The following TESK2 variants were observed in gnomAD, a reference collection of about 807,000 sequenced individuals.
The protein encoded by TESK2 is testis associated actin remodelling kinase 2.
A neutral mutation model predicts 57.1 loss-of-function variants in TESK2; 39 were observed. That is an observed-to-expected ratio of 0.68 (90% CI 0.53 to 0.89). TESK2 has a LOEUF of 0.89. Ranked by LOEUF, TESK2 falls within the 40% of genes least tolerant of loss-of-function variation. TESK2 has a pLI of 0.00. For synonymous variants in TESK2, 249 were observed against 267.9 expected (o/e 0.93, Z 0.69); for missense variants, 646 against 732.1 (o/e 0.88, Z 1.36).
Position 45,347,663 on chromosome 1 carries a change from A to T in TESK2, c.654T>A (p.Gly218=). 9 of 1,614,184 alleles carry T rather than the reference A, an allele frequency of 5.6e-6. No individual in the cohort carries two copies. Among genetic ancestry groups the T allele is most frequent in the Non-Finnish European group, 7.6e-6 (9 of 1,180,042 alleles). ...SMGSEKLAVV[G]SPFWMAPEVL... ...CCTCAGGTGCCATCCAGAATGGGGA[A>T]CCCACCACGGCCAGCTTCTCACTCC... Residue 218 remains glycine, a synonymous_variant, in exon 7 of 11, where the codon GGT becomes GGA. Transcript: ENST00000372086.
chr1:45,465,354 T>A (rs1009042745), intron 1 of TESK2, among the ~76,000 whole-genome samples: 2 of 150,348 alleles, frequency 1.3e-5, no homozygotes, highest in African/African-American at 4.9e-5. Context: ...GAGGTTGAAG[T>A]GAGCTGAGAT....
chr1:45,384,389 G>GTCTA (rs71052870), intron 4 of TESK2, among the ~76,000 whole-genome samples: 16,309 of 144,224 alleles, frequency 0.11, 1,050 homozygotes, highest in Admixed American at 0.16. Flanking sequence ...CTATCTATCT[G>GTCTA]TCTATCTATC....
At position 45,345,424 on chromosome 1, in the gene TESK2, G is replaced by A. The variant is rs201715014; in HGVS notation, c.1132C>T (p.Arg378Cys). Residue 378 changes from arginine (R) to cysteine (C), a missense_variant, in exon 11 of 11, where the codon CGT becomes TGT. Coordinates refer to ENST00000372086, the MANE Select transcript of TESK2 (RefSeq NM_007170.3). ...QSDIFSRKPP[R>C]TVSVLDPYYR... ...TATGGGTCCAAGACACTCACTGTACGTGGGGGCTTACGGGAAAAGATATCT... is the reference window on the plus strand; with the variant it reads ...TATGGGTCCAAGACACTCACTGTACATGGGGGCTTACGGGAAAAGATATCT... 90 of 1,614,038 alleles carry A rather than the reference G, an allele frequency of 5.6e-5. No homozygotes were observed. Among genetic ancestry groups the A allele is most frequent in the Admixed American group, 4.3e-4 (26 of 60,000 alleles).
chr1:45,434,828 CAGA>C (rs1396568514), intron 2 of TESK2, among the ~76,000 whole-genome samples: 1 of 152,016 alleles, frequency 6.6e-6, no homozygotes, highest in African/African-American at 2.4e-5. Context: ...CTTTGCTGTG[CAGA>C]AGATTTTTAG....
chr1:45,446,844 T>C (rs1049274890), intron 2 of TESK2, among the ~76,000 whole-genome samples: 3 of 152,184 alleles, frequency 2.0e-5, no homozygotes, highest in African/African-American at 7.2e-5. Flanking sequence ...CATTTATCAG[T>C]AAACAACAGC....
At chr1:45,398,992 A>AC (rs758184345) in intron 3 of TESK2, 2 of 433,294 alleles carry the variant, frequency 4.6e-6, no homozygotes, top group South Asian at 1.7e-5. Context: ...TGAAAAAAAA[A>AC]AAAAAAAAAA....
At chr1:45,420,918 C>T (rs1650448953) in intron 3 of TESK2, among the ~76,000 whole-genome samples, 2 of 152,046 alleles carry the variant, frequency 1.3e-5, no homozygotes, top group Admixed American at 6.6e-5. Context: ...ATATACTTGC[C>T]TGACTAAAAT....
At chr1:45,407,342 G>A (rs138375513) in intron 3 of TESK2, among the ~76,000 whole-genome samples, 2 of 152,170 alleles carry the variant, frequency 1.3e-5, no homozygotes, top group East Asian at 3.9e-4. Context: ...TTATAGGTGT[G>A]AGCCACCGTG....
intron 4 of TESK2, among the ~76,000 whole-genome samples, chr1:45,369,216 T>C (rs1346213754): frequency 6.6e-6 from 1 of 151,718 alleles, no homozygotes; most frequent in Non-Finnish European, 1.5e-5. Context: ...AATGAAAGAA[T>C]GGGGCTGAGT....
chr1:45,345,204 A>G lies in TESK2; in HGVS notation c.1352T>C (p.Ile451Thr). The G allele has an allele frequency of 1.9e-6, 3 of 1,614,208 alleles. No individual in the cohort carries two copies. Among genetic ancestry groups the G allele is most frequent in the Middle Eastern group, 3.3e-4 (2 of 6,062 alleles). Residue 451 changes from isoleucine to threonine, a missense_variant, in exon 11 of 11, where the codon ATT becomes ACT. Physicochemically the swap from Ile to Thr is moderately conservative, Grantham distance 89 (BLOSUM62 -1). Transcript: ENST00000372086. ...ADWQEPLAPP[I>T]RRWRSLPGSP... ...ACCAGGCAAGGAACGCCACCGGCGA[A>G]TAGGTGGGGCCAGGGGCTCCTGCCA...
At chr1:45,452,007 T>C (rs1651889642) in intron 2 of TESK2, among the ~76,000 whole-genome samples, 1 of 117,910 alleles carries the variant, frequency 8.5e-6, no homozygotes, top group African/African-American at 3.9e-5. Flanking sequence ...CATTCCAGCC[T>C]GGGAGACAGA....
At chr1:45,416,602 CAGTTCT>C (rs1422931243) in intron 3 of TESK2, among the ~76,000 whole-genome samples, 2 of 152,128 alleles carry the variant, frequency 1.3e-5, no homozygotes, top group Non-Finnish European at 2.9e-5. Flanking sequence ...GATCATATAG[CAGTTCT>C]ATTTTCTGTT....
At chr1:45,427,013 G>A (rs1238760265) in intron 2 of TESK2, among the ~76,000 whole-genome samples, 2 of 152,064 alleles carry the variant, frequency 1.3e-5, no homozygotes, top group Non-Finnish European at 2.9e-5. Flanking sequence ...AGAGGCCGAG[G>A]TGGAGGATTA....
intron 5 of TESK2, 56 bp from the exon 6 acceptor site, chr1:45,348,056 A>G: frequency 8.3e-7 from 1 of 1,208,838 alleles, no homozygotes; most frequent in Non-Finnish European, 1.2e-6. Context: ...GGGATCAGCC[A>G]TAGAGTTACC....
At chr1:45,380,022 C>A (rs538166089) in intron 4 of TESK2, among the ~76,000 whole-genome samples, 1 of 152,026 alleles carries the variant, frequency 6.6e-6, no homozygotes, top group Non-Finnish European at 1.5e-5. Flanking sequence ...CCTCAGCCTC[C>A]GGAGTAACTG....
chr1:45,470,872 T>G (rs1182586861), intron 1 of TESK2, among the ~76,000 whole-genome samples: 2 of 152,220 alleles, frequency 1.3e-5, no homozygotes, highest in Non-Finnish European at 2.9e-5. Context: ...GATGCCATTA[T>G]TACCCCCAAT....
At chr1:45,363,644 T>C (rs963797067) in intron 4 of TESK2, among the ~76,000 whole-genome samples, 29 of 152,006 alleles carry the variant, frequency 1.9e-4, no homozygotes, top group African/African-American at 7.0e-4. Flanking sequence ...TGGTAACCCA[T>C]AGGCAGGGTT....
chr1:45,404,769 C>T (rs1557560323), intron 3 of TESK2, among the ~76,000 whole-genome samples: 1 of 151,958 alleles, frequency 6.6e-6, no homozygotes, highest in South Asian at 2.1e-4. Flanking sequence ...TCTCGAATAC[C>T]TGAACTTAGG....
chr1:45,356,850 A>G (rs1333353105), intron 4 of TESK2, among the ~76,000 whole-genome samples: 1 of 152,178 alleles, frequency 6.6e-6, no homozygotes, highest in Non-Finnish European at 1.5e-5. Context: ...TGGGAAATCA[A>G]CAGAATCCCA....
Sources: gnomAD v4.1 joint callset for allele counts (sites outside exome capture counted in the v4.1 genomes callset) on GRCh38, gnomAD v4.1.1 for gene constraint, MANE v1.5 for transcripts, NCBI Gene and HGNC (gene_info 2026-07-23, HGNC 2026-07-21) for gene names.